The following PTPRD variants were observed in gnomAD, a reference collection of about 807,000 sequenced individuals.
PTPRD encodes protein tyrosine phosphatase receptor type D, also known as receptor-type tyrosine-protein phosphatase delta.
A neutral mutation model predicts 214.5 loss-of-function variants in PTPRD; 34 were observed. The observed-to-expected ratio is 0.16, with a 90% CI of 0.12 to 0.21. The LOEUF is 0.21. PTPRD is among the 10% of genes least tolerant of loss of function. PTPRD has a pLI of 1.00. For synonymous variants in PTPRD, 1,128 were observed against 845.7 expected (o/e 1.33, Z -5.79); for missense variants, 2,545 against 2,398.7 (o/e 1.06, Z -1.27).
At chr9:9,189,257 A>G (rs1268409454) in intron 9 of PTPRD, among the ~76,000 whole-genome samples, 1 of 152,090 alleles carries the variant, frequency 6.6e-6, no homozygotes, top group Non-Finnish European at 1.5e-5. Flanking sequence ...TATAGTTGAA[A>G]GAGATCTTGA....
chr9:8,749,302 C>T (rs2093270769), intron 11 of PTPRD, among the ~76,000 whole-genome samples: 1 of 152,060 alleles, frequency 6.6e-6, no homozygotes, highest in East Asian at 1.9e-4. Flanking sequence ...ATTCTCGTGT[C>T]TCATCTCCCT....
chr9:10,452,962 A>G (rs1206078590), intron 2 of PTPRD, among the ~76,000 whole-genome samples: 3 of 149,848 alleles, frequency 2.0e-5, no homozygotes, highest in Non-Finnish European at 4.4e-5. Flanking sequence ...TTCAGACCTT[A>G]TATTTAGAGA....
intron 11 of PTPRD, among the ~76,000 whole-genome samples, chr9:8,757,639 T>TACATACATATATACATATATATATAC (rs2094110939): frequency 7.1e-6 from 1 of 141,660 alleles, no homozygotes; most frequent in Non-Finnish European, 1.5e-5. Context: ...TATATATATA[T>TACATACATATATACATATATATATAC]ATACATACAT....
At chr9:9,147,099 T>C (rs1486411000) in intron 10 of PTPRD, among the ~76,000 whole-genome samples, 1 of 152,168 alleles carries the variant, frequency 6.6e-6, no homozygotes, top group African/African-American at 2.4e-5. Flanking sequence ...AGATTAGACC[T>C]GTTAAAAGGA....
chr9:8,601,686 T>A (rs1276084950), intron 14 of PTPRD, among the ~76,000 whole-genome samples: 1 of 152,210 alleles, frequency 6.6e-6, no homozygotes, highest in African/African-American at 2.4e-5. Context: ...CTATTGGGGT[T>A]GGGATGCTAC....
intron 14 of PTPRD, among the ~76,000 whole-genome samples, chr9:8,577,446 G>C (rs879676002): frequency 2.0e-5 from 3 of 151,964 alleles, no homozygotes; most frequent in Admixed American, 6.6e-5. Context: ...GTACAGACAG[G>C]GTTTCTCCAT....
chr9:8,402,268 T>G (rs1027665993), intron 36 of PTPRD, among the ~76,000 whole-genome samples: 1 of 152,188 alleles, frequency 6.6e-6, no homozygotes, highest in African/African-American at 2.4e-5. Flanking sequence ...AGACAGGTTT[T>G]CGTGTGATTC....
intron 14 of PTPRD, among the ~76,000 whole-genome samples, chr9:8,569,074 C>A (rs1051885144): frequency 1.3e-5 from 2 of 152,048 alleles, no homozygotes; most frequent in Non-Finnish European, 2.9e-5. Context: ...TTCCTTCCTA[C>A]CTCCAGAGGC....
intron 3 of PTPRD, among the ~76,000 whole-genome samples, chr9:10,193,219 G>A (rs1035923206): frequency 4.0e-5 from 6 of 151,054 alleles, no homozygotes; most frequent in African/African-American, 1.5e-4. Flanking sequence ...CTTTTATGTA[G>A]TTTATGTAAG....
intron 2 of PTPRD, among the ~76,000 whole-genome samples, chr9:10,460,476 A>G (rs544502423): frequency 1.3e-5 from 2 of 152,270 alleles, no homozygotes; most frequent in African/African-American, 4.8e-5. Context: ...ATTCAAAAGT[A>G]TATTACAAAG....
chr9:9,095,668 G>C (rs1192820158), intron 10 of PTPRD, among the ~76,000 whole-genome samples: 5 of 152,044 alleles, frequency 3.3e-5, no homozygotes, highest in South Asian at 4.2e-4. Context: ...TGTAGATTGG[G>C]AGAACCATTA....
chr9:8,613,833 A>G (rs1457533928), intron 14 of PTPRD, among the ~76,000 whole-genome samples: 4 of 152,204 alleles, frequency 2.6e-5, no homozygotes, highest in African/African-American at 7.2e-5. Flanking sequence ...GACCAGGAGA[A>G]TTACATTTTC....
At chr9:8,829,546 T>G (rs185508683) in intron 11 of PTPRD, among the ~76,000 whole-genome samples, 29 of 152,318 alleles carry the variant, frequency 1.9e-4, no homozygotes, top group African/African-American at 6.7e-4. Flanking sequence ...TATGGAAATC[T>G]TTATCATAAC....
intron 11 of PTPRD, among the ~76,000 whole-genome samples, chr9:8,914,792 C>T (rs1291603097): frequency 6.6e-6 from 1 of 151,964 alleles, no homozygotes; most frequent in Non-Finnish European, 1.5e-5. Context: ...GGAGAGACAC[C>T]ATTTAGAATT....
chr9:9,340,117 T>A (rs1456248941), intron 9 of PTPRD, among the ~76,000 whole-genome samples: 2 of 151,948 alleles, frequency 1.3e-5, no homozygotes, highest in Non-Finnish European at 2.9e-5. Context: ...TAATTTGAGG[T>A]AAGGCACTCT....
chr9:9,366,995 A>G (rs1481642549), intron 9 of PTPRD, among the ~76,000 whole-genome samples: 1 of 151,524 alleles, frequency 6.6e-6, no homozygotes, highest in African/African-American at 2.4e-5. Context: ...TTGGTAGTAA[A>G]ATGAAACAAA....
intron 8 of PTPRD, among the ~76,000 whole-genome samples, chr9:9,476,803 T>C (rs143616755): frequency 0.013 from 2,043 of 152,260 alleles, 27 homozygotes; most frequent in Non-Finnish European, 0.021. Context: ...TGGCACCATC[T>C]TGGCTCACCG....
At chr9:8,873,286 C>A (rs1348764825) in intron 11 of PTPRD, among the ~76,000 whole-genome samples, 2 of 152,152 alleles carry the variant, frequency 1.3e-5, no homozygotes, top group African/African-American at 4.8e-5. Context: ...ATATCACTAC[C>A]CCTTCATCTC....
chr9:9,403,990 G>A (rs1254518004), intron 8 of PTPRD, among the ~76,000 whole-genome samples: 1 of 152,096 alleles, frequency 6.6e-6, no homozygotes. Flanking sequence ...TGCAAGGTAA[G>A]AAGACAGAAT....
Sources: gnomAD v4.1 joint callset for allele counts (sites outside exome capture counted in the v4.1 genomes callset) on GRCh38, gnomAD v4.1.1 for gene constraint, MANE v1.5 for transcripts, NCBI Gene and HGNC (gene_info 2026-07-23, HGNC 2026-07-21) for gene names.